Variants in RIPOR2 observed in about 807,000 individuals in gnomAD.
RIPOR2 encodes the protein rho family-interacting cell polarization regulator 2.
RIPOR2 carries 39 observed loss-of-function variants against 114.5 expected under a neutral mutation model. That is an observed-to-expected ratio of 0.34 (90% CI 0.26 to 0.44). The LOEUF is 0.44. RIPOR2 is among the 20% of genes least tolerant of loss of function. RIPOR2 has a pLI of 1.00. For synonymous variants in RIPOR2, 445 were observed against 484.4 expected, an observed-to-expected ratio of 0.92 and a Z score of 1.07; for missense variants, 1,007 against 1,255.1, an observed-to-expected ratio of 0.80 and a Z score of 2.99.
intron 5 of RIPOR2, among the ~76,000 whole-genome samples, chr6:24,870,148 A>C (rs1449729509): frequency 2.0e-5 from 3 of 152,234 alleles, no homozygotes; most frequent in African/African-American, 7.2e-5. Flanking sequence ...GTAAAATGAA[A>C]CAACTGTCAG....
intron 1 of RIPOR2, among the ~76,000 whole-genome samples, chr6:24,997,793 G>A (rs1031061656): frequency 2.0e-5 from 3 of 152,176 alleles, no homozygotes; most frequent in Non-Finnish European, 4.4e-5. Context: ...TGAGAAACAC[G>A]CACTGGTTTA....
At chr6:24,821,534 A>C (rs1249380605) in intron 19 of RIPOR2, among the ~76,000 whole-genome samples, 13 of 152,362 alleles carry the variant, frequency 8.5e-5, no homozygotes, top group African/African-American at 3.1e-4. Context: ...AAACAAAGAT[A>C]TGCAGTATAG....
chr6:24,828,299 T>A lies in RIPOR2; in HGVS notation c.2507-4A>T. The A allele has an allele frequency of 6.5e-7, 1 of 1,538,926 alleles. No individual in the cohort carries two copies. The highest frequency in any genetic ancestry group is 8.8e-7 in the Non-Finnish European group (1 of 1,140,862). On this transcript the variant is annotated splice_polypyrimidine_tract_variant and splice_region_variant and intron_variant, in intron 17 of 21. Coordinates refer to ENST00000643898, the MANE Select transcript of RIPOR2 (RefSeq NM_001286445.3). ...TGGGACACCAGGGTTCGAAACACTA[T>A]TCGGAAGGGAAAGACACAAAGCAGC...
intron 10 of RIPOR2, 109 bp from the exon 11 acceptor site, chr6:24,850,059 A>C: frequency 1.2e-6 from 1 of 828,768 alleles, no homozygotes; most frequent in East Asian, 2.7e-5. Flanking sequence ...TTTCAGAATC[A>C]TATCTGAAAT....
intron 1 of RIPOR2, among the ~76,000 whole-genome samples, chr6:24,933,923 A>G (rs1414609784): frequency 2.0e-5 from 3 of 152,198 alleles, no homozygotes; most frequent in African/African-American, 7.2e-5. Context: ...CACCTTGGAA[A>G]TGATGAATGC....
intron 15 of RIPOR2, 128 bp from the exon 16 acceptor site, chr6:24,832,519 C>T (rs1388915727): frequency 5.1e-6 from 4 of 780,354 alleles, no homozygotes; most frequent in South Asian, 3.6e-5. Context: ...TCTTCCAGCT[C>T]GATAATGATC....
chr6:24,868,583 T>A (rs935959082), intron 6 of RIPOR2, among the ~76,000 whole-genome samples: 2 of 152,054 alleles, frequency 1.3e-5, no homozygotes, highest in Admixed American at 6.6e-5. Context: ...AGTGCACATC[T>A]AGGGGAGAGA....
At chr6:24,959,511 G>A (rs1773204815) in intron 1 of RIPOR2, among the ~76,000 whole-genome samples, 1 of 152,188 alleles carries the variant, frequency 6.6e-6, no homozygotes. Context: ...CTCACTTCTG[G>A]TTAACCACGG....
intron 17 of RIPOR2, among the ~76,000 whole-genome samples, chr6:24,828,679 C>T (rs1036641320): frequency 2.0e-5 from 3 of 151,804 alleles, no homozygotes; most frequent in Non-Finnish European, 4.4e-5. Context: ...AGCTACCCTT[C>T]CCTTCCCTTA....
At chr6:25,002,616 T>C (rs566349446) in intron 1 of RIPOR2, among the ~76,000 whole-genome samples, 1 of 152,246 alleles carries the variant, frequency 6.6e-6, no homozygotes, top group African/African-American at 2.4e-5. Flanking sequence ...GAAGCAACAG[T>C]GCCCTTTAAA....
At chr6:24,868,771 T>C (rs924894997) in intron 6 of RIPOR2, among the ~76,000 whole-genome samples, 12 of 152,312 alleles carry the variant, frequency 7.9e-5, no homozygotes, top group African/African-American at 2.6e-4. Context: ...TAGACAAACA[T>C]GAAGTTTTTT....
chr6:24,910,958 G>C, intron 1 of RIPOR2: 1 of 985,350 alleles, frequency 1.0e-6, no homozygotes, highest in Non-Finnish European at 1.2e-6. Flanking sequence ...TTGGGTGAAG[G>C]GGACCCCGGG....
At chr6:24,935,153 C>A (rs1223310188) in intron 1 of RIPOR2, among the ~76,000 whole-genome samples, 1 of 151,668 alleles carries the variant, frequency 6.6e-6, no homozygotes, top group Admixed American at 6.6e-5. Flanking sequence ...ACTAAAAATA[C>A]AAAAATTAGC....
chr6:24,903,871 G>A (rs968406440), intron 1 of RIPOR2, among the ~76,000 whole-genome samples: 11 of 152,238 alleles, frequency 7.2e-5, no homozygotes, highest in Non-Finnish European at 1.3e-4. Context: ...CCTCAGAGAA[G>A]GATCGTGCCA....
intron 1 of RIPOR2, among the ~76,000 whole-genome samples, chr6:24,930,215 C>T (rs1242285653): frequency 6.6e-6 from 1 of 152,176 alleles, no homozygotes; most frequent in Non-Finnish European, 1.5e-5. Flanking sequence ...ATTTTGGTCA[C>T]AAAAACTACA....
intron 14 of RIPOR2, 157 bp from the exon 15 acceptor site, chr6:24,836,028 T>C (rs992411800): frequency 1.5e-6 from 1 of 663,214 alleles, no homozygotes; most frequent in Non-Finnish European, 2.6e-6. Context: ...AATTACTTAA[T>C]TCAGCCTGGT....
chr6:25,007,413 C>T (rs1421030460), intron 1 of RIPOR2, among the ~76,000 whole-genome samples: 2 of 152,088 alleles, frequency 1.3e-5, no homozygotes, highest in Non-Finnish European at 2.9e-5. Context: ...CCACCACGGG[C>T]GCTCAATACT....
chr6:24,948,966 C>A (rs1370718152), intron 1 of RIPOR2, among the ~76,000 whole-genome samples: 1 of 152,206 alleles, frequency 6.6e-6, no homozygotes, highest in Non-Finnish European at 1.5e-5. Flanking sequence ...CCAACCCTCT[C>A]CCTCTTGTCC....
chr6:24,841,402 T>G (rs1189886034), intron 13 of RIPOR2, among the ~76,000 whole-genome samples: 1 of 152,084 alleles, frequency 6.6e-6, no homozygotes, highest in Non-Finnish European at 1.5e-5. Context: ...AGAGTGCCCT[T>G]CTGTTTCTCG....
Sources: allele counts gnomAD v4.1 joint callset (sites outside exome capture counted in the v4.1 genomes callset), GRCh38; gene constraint gnomAD v4.1.1; transcripts MANE v1.5; gene names NCBI Gene and HGNC (gene_info 2026-07-23, HGNC 2026-07-21).